Variants in TSEN15 observed in about 807,000 individuals in gnomAD.
TSEN15 encodes the protein tRNA splicing endonuclease subunit 15.
TSEN15 carries 10 observed loss-of-function variants against 20.5 expected under a neutral mutation model. The ratio of observed to expected loss-of-function variants is 0.49; its 90% CI spans 0.30 to 0.83. TSEN15 has a LOEUF of 0.83. Ranked by LOEUF, TSEN15 falls within the 40% of genes least tolerant of loss-of-function variation. The pLI, the probability that TSEN15 is intolerant of heterozygous loss-of-function variation, is 0.06. For missense variants in TSEN15, 180 were observed against 218.6 expected, an observed-to-expected ratio of 0.82 and a Z score of 1.11; for synonymous variants, 72 against 80.1, an observed-to-expected ratio of 0.90 and a Z score of 0.54.
At chr1:184,076,109 G>A (rs997738103), downstream of TSEN15, among the ~76,000 whole-genome samples, 1 of 151,780 alleles carries the variant, frequency 6.6e-6, no homozygotes, top group Non-Finnish European at 1.5e-5. Flanking sequence ...TTGTTGTATT[G>A]CAATTCTCTT....
chr1:184,068,478 T>C (rs781093296), intron 3 of TSEN15, among the ~76,000 whole-genome samples: 2 of 152,178 alleles, frequency 1.3e-5, no homozygotes, highest in Non-Finnish European at 2.9e-5. Flanking sequence ...AAACCCCCAA[T>C]TCTGGCAGCT....
chr1:184,061,930 T>A lies in TSEN15; in HGVS notation c.353+7067T>A, dbSNP rs143641689. 3.1e-3 allele frequency among the ~76,000 whole-genome samples: 468 copies of A among 152,312 alleles called. 1 individual carries two copies. Among genetic ancestry groups the A allele is most frequent in the African/African-American group, 7.3e-3 (304 of 41,580 alleles). On this transcript the variant is annotated intron_variant, in intron 3 of 4. Transcript: ENST00000645668. ...ACTTTGAGCACAAGTACGTTTTGTG[T>A]TTAGCATTTTCTGTAAAGCAGTTAT...
At chr1:184,072,362 G>C in intron 4 of TSEN15, 64 bp downstream of exon 4, 2 of 1,473,758 alleles carry the variant, frequency 1.4e-6, no homozygotes, top group East Asian at 2.4e-5. Flanking sequence ...GTGATTTTAA[G>C]TGTGACTCAA....
intron 3 of TSEN15, among the ~76,000 whole-genome samples, chr1:184,085,746 G>A (rs568292135): frequency 6.6e-6 from 1 of 152,208 alleles, no homozygotes; most frequent in East Asian, 1.9e-4. Context: ...GTTGTCTGAT[G>A]ATGTCAGTGC....
At chr1:184,072,555 T>C (rs1650925170) in intron 4 of TSEN15, 1 of 557,444 alleles carries the variant, frequency 1.8e-6, no homozygotes, top group African/African-American at 2.0e-5. Flanking sequence ...AAGTATTTTA[T>C]GAAGTCATCA....
downstream of TSEN15, among the ~76,000 whole-genome samples, chr1:184,078,106 GTTATT>G (rs1318143012): frequency 1.3e-5 from 2 of 152,076 alleles, no homozygotes; most frequent in East Asian, 3.9e-4. Flanking sequence ...TTCATTGTAT[GTTATT>G]TTAAGACTTT....
At chr1:184,051,970 C>T (rs1296594682) in intron 1 of TSEN15, 80 bp downstream of exon 1, 5 of 1,307,450 alleles carry the variant, frequency 3.8e-6, no homozygotes, top group Non-Finnish European at 4.9e-6. Context: ...CTCTTTCTTT[C>T]TTCCTCAGTG....
intron 3 of TSEN15, among the ~76,000 whole-genome samples, chr1:184,063,308 A>G (rs1479401668): frequency 6.6e-6 from 1 of 152,178 alleles, no homozygotes; most frequent in Non-Finnish European, 1.5e-5. Flanking sequence ...CATATACCAA[A>G]TTGCTCCTTT....
At chr1:184,065,103 C>T (rs868391759) in intron 3 of TSEN15, among the ~76,000 whole-genome samples, 3 of 152,168 alleles carry the variant, frequency 2.0e-5, no homozygotes, top group South Asian at 4.2e-4. Flanking sequence ...CTCCTTCTGT[C>T]GTTTTCTTTT....
At chr1:184,090,123 G>A (rs1389987070) in intron 3 of TSEN15, among the ~76,000 whole-genome samples, 1 of 152,144 alleles carries the variant, frequency 6.6e-6, no homozygotes, top group African/African-American at 2.4e-5. Flanking sequence ...TCTTTACAAT[G>A]GGATACTACT....
chr1:184,065,156 A>G (rs1650601174), intron 3 of TSEN15, among the ~76,000 whole-genome samples: 1 of 151,820 alleles, frequency 6.6e-6, no homozygotes, highest in Non-Finnish European at 1.5e-5. Context: ...GCTCAGACCA[A>G]AAACCTTAGA....
intron 3 of TSEN15, chr1:184,095,409 G>A (rs945242021): frequency 1.0e-4 from 39 of 379,970 alleles, no homozygotes; most frequent in South Asian, 1.5e-4. Flanking sequence ...CTTGTGGTGA[G>A]GACTCAGTAA....
Position 184,073,061 on chromosome 1 carries a change from T to G in TSEN15, c.*214T>G, listed in dbSNP as rs1280850136. 2 of 549,456 alleles carry G rather than the reference T, an allele frequency of 3.6e-6. No individual in the cohort carries two copies. Among genetic ancestry groups the G allele is most frequent in the African/African-American group, 3.9e-5 (2 of 50,792 alleles). 34.0% of individuals were successfully genotyped at this position (549,456 alleles called of 1,614,324 possible). A position where few individuals can be genotyped will look rare whatever the true frequency, so the allele number is the denominator to read the frequency against. ...TAGGGTGATTTCTTTAAAACTTTGT[T>G]ATCTAGAGACAGTTTAATTACAGTT... On this transcript the variant is annotated 3_prime_UTR_variant, in exon 5 of 5. Coordinates refer to ENST00000645668, the MANE Select transcript of TSEN15 (RefSeq NM_052965.4).
intron 3 of TSEN15, among the ~76,000 whole-genome samples, chr1:184,066,990 T>C (rs1650688935): frequency 6.6e-6 from 1 of 152,194 alleles, no homozygotes; most frequent in Non-Finnish European, 1.5e-5. Context: ...AATATTTTGT[T>C]AGATTTATAC....
At chr1:184,075,053 C>T (rs1480343137), downstream of TSEN15, among the ~76,000 whole-genome samples, 1 of 152,070 alleles carries the variant, frequency 6.6e-6, no homozygotes, top group African/African-American at 2.4e-5. Context: ...ATAGCATTTT[C>T]AGAAAGAAGT....
intron 1 of TSEN15, among the ~76,000 whole-genome samples, chr1:184,053,338 C>G (rs1390071900): frequency 6.6e-6 from 1 of 152,114 alleles, no homozygotes; most frequent in Non-Finnish European, 1.5e-5. Context: ...TTATTATCCC[C>G]AAACACACTT....
At chr1:184,055,385 G>T (rs1414541062) in intron 3 of TSEN15, among the ~76,000 whole-genome samples, 1 of 152,254 alleles carries the variant, frequency 6.6e-6, no homozygotes, top group East Asian at 1.9e-4. Context: ...GGGGATTACA[G>T]TTCAACATGG....
chr1:184,072,368 C>A, intron 4 of TSEN15, 70 bp downstream of exon 4: 1 of 1,426,960 alleles, frequency 7.0e-7, no homozygotes, highest in Non-Finnish European at 9.4e-7. Flanking sequence ...TTAAGTGTGA[C>A]TCAAGTCAGT....
chr1:184,051,937 A>C, intron 1 of TSEN15, 47 bp downstream of exon 1: 2 of 1,462,696 alleles, frequency 1.4e-6, no homozygotes, highest in Non-Finnish European at 1.8e-6. Flanking sequence ...CCCCTAACCC[A>C]GGCAGAACAC....
Sources: allele counts gnomAD v4.1 joint callset (sites outside exome capture counted in the v4.1 genomes callset), GRCh38; gene constraint gnomAD v4.1.1; transcripts MANE v1.5; gene names NCBI Gene and HGNC (gene_info 2026-07-23, HGNC 2026-07-21).